Variants in SOCS2 observed in about 807,000 individuals in gnomAD.
SOCS2 encodes suppressor of cytokine signaling 2, also known as CIS-2.
In SOCS2, 10 loss-of-function variants were observed where a neutral mutation model predicts 18.6. That is an observed-to-expected ratio of 0.54 (90% CI 0.33 to 0.91). SOCS2 has a LOEUF of 0.91. Among genes scored for constraint, SOCS2 ranks in the 40% least tolerant of loss-of-function variants. SOCS2 has a pLI of 0.02. For synonymous variants in SOCS2, 104 were observed against 104.0 expected (o/e 1.00, Z 0.00); for missense variants, 231 against 247.2 (o/e 0.93, Z 0.44).
chr12:93,588,574 G>C, the SOCS2 span, among the ~76,000 whole-genome samples: 1 of 151,778 alleles, frequency 6.6e-6, no homozygotes, highest in Non-Finnish European at 1.5e-5. Context: ...GAAGGAGGAA[G>C]AGGAGTTGGA....
At chr12:93,590,587 G>A in the SOCS2 span, among the ~76,000 whole-genome samples, 58 of 151,480 alleles carry the variant, frequency 3.8e-4, no homozygotes, top group African/African-American at 1.1e-3. Flanking sequence ...ACGAGGTCAG[G>A]AGATCGAGAC....
chr12:93,581,579 G>A (rs1216963466), downstream of SOCS2, among the ~76,000 whole-genome samples: 2 of 152,126 alleles, frequency 1.3e-5, no homozygotes, highest in African/African-American at 4.8e-5. Flanking sequence ...TCAACATCAT[G>A]TGATCATTGT....
chr12:93,614,608 T>C, the SOCS2 span, among the ~76,000 whole-genome samples: 2 of 124,830 alleles, frequency 1.6e-5, no homozygotes, highest in African/African-American at 3.4e-5. Context: ...TCTTTCTTTC[T>C]TTCTTTCTTT....
chr12:93,591,044 C>A, the SOCS2 span, among the ~76,000 whole-genome samples: 2 of 151,842 alleles, frequency 1.3e-5, no homozygotes, highest in Admixed American at 1.3e-4. Context: ...TCCGAACACT[C>A]TTGGAACAAA....
the SOCS2 span, among the ~76,000 whole-genome samples, chr12:93,610,133 A>G: frequency 3.3e-5 from 5 of 152,210 alleles, no homozygotes; most frequent in Non-Finnish European, 7.3e-5. Context: ...ATACGTTCAA[A>G]CTATAGCACC....
chr12:93,617,474 T>G, the SOCS2 span, among the ~76,000 whole-genome samples: 2 of 152,164 alleles, frequency 1.3e-5, no homozygotes, highest in Non-Finnish European at 2.9e-5. Context: ...GAATGTTGTA[T>G]TTCCTCTAAG....
downstream of SOCS2, among the ~76,000 whole-genome samples, chr12:93,588,321 G>A (rs1164911870): frequency 1.3e-5 from 2 of 152,068 alleles, no homozygotes; most frequent in Admixed American, 6.5e-5. Flanking sequence ...GCCATAAATT[G>A]TTACTTAATG....
chr12:93,614,536 C>CTTTCTTTCTTTCT, the SOCS2 span, among the ~76,000 whole-genome samples: 1 of 60,920 alleles, frequency 1.6e-5, no homozygotes, highest in Non-Finnish European at 2.7e-5. Context: ...TCCTTCCTTC[C>CTTTCTTTCTTTCT]TTCCTTCTTT....
upstream of SOCS2, chr12:93,571,016 T>C (rs1278709888): frequency 3.2e-5 from 5 of 153,982 alleles, no homozygotes; most frequent in African/African-American, 1.2e-4. Context: ...TCGCGCGCAC[T>C]CGCTGCTCCT....
the SOCS2 span, among the ~76,000 whole-genome samples, chr12:93,592,696 T>C: frequency 2.5e-4 from 38 of 152,344 alleles, no homozygotes; most frequent in Non-Finnish European, 4.1e-4. Context: ...ATATTTTCCA[T>C]TGAGATCGAA....
At chr12:93,617,658 C>G in the SOCS2 span, among the ~76,000 whole-genome samples, 2 of 150,976 alleles carry the variant, frequency 1.3e-5, no homozygotes, top group East Asian at 3.9e-4. Flanking sequence ...ATATTTACTT[C>G]AAAATATGTA....
At chr12:93,588,974 C>T in the SOCS2 span, among the ~76,000 whole-genome samples, 6 of 152,136 alleles carry the variant, frequency 3.9e-5, no homozygotes, top group Admixed American at 2.0e-4. Context: ...GGTAGGGGTA[C>T]GCATAGACCC....
At chr12:93,589,259 C>T in the SOCS2 span, among the ~76,000 whole-genome samples, 1 of 152,334 alleles carries the variant, frequency 6.6e-6, no homozygotes, top group South Asian at 2.1e-4. Flanking sequence ...GAATACATGA[C>T]TGATAGATTT....
chr12:93,610,049 A>G, the SOCS2 span, among the ~76,000 whole-genome samples: 1 of 152,208 alleles, frequency 6.6e-6, no homozygotes, highest in African/African-American at 2.4e-5. Context: ...TCATGATCTA[A>G]TCACCTTTTA....
the SOCS2 span, among the ~76,000 whole-genome samples, chr12:93,592,418 C>T: frequency 3.3e-5 from 5 of 152,182 alleles, no homozygotes; most frequent in Non-Finnish European, 5.9e-5. Context: ...TTCCCAGTTT[C>T]GTGCTATTAC....
chr12:93,601,054 G>T, the SOCS2 span, among the ~76,000 whole-genome samples: 2 of 150,416 alleles, frequency 1.3e-5, no homozygotes, highest in Non-Finnish European at 3.0e-5. Context: ...ACCCCTGAAA[G>T]TGTTGGGATT....
Position 93,574,944 on chromosome 12 carries a change from G to C in SOCS2, c.362G>C (p.Ser121Thr), listed in dbSNP as rs975931637. The C allele has an allele frequency of 1.9e-6, 3 of 1,614,056 alleles. No individual in the cohort carries two copies. The highest frequency in any genetic ancestry group is 2.7e-5 in the African/African-American group (2 of 74,908). ...AAATCCAAGCTTAAACAATTTGACA[G>C]TGTGGTTCATCTGATCGACTACTAT... is the stretch of plus-strand genomic sequence containing the variant. ...CVKSKLKQFD[S>T]VVHLIDYYVQ... The change falls in exon 2 of 2, where the codon AGT becomes ACT. Residue 121 changes from serine to threonine, a missense_variant. By Grantham distance (58) the Ser-to-Thr change is moderately conservative. Coordinates refer to ENST00000551556, the MANE Select transcript of SOCS2 (RefSeq NM_001270471.2).
the SOCS2 span, among the ~76,000 whole-genome samples, chr12:93,621,654 A>AT: frequency 2.9e-3 from 441 of 150,174 alleles, 3 homozygotes; most frequent in African/African-American, 0.01. Flanking sequence ...TTAAAAAAAA[A>AT]TTTTTTTTTT....
At chr12:93,572,437 A>C, upstream of SOCS2, 2 of 351,242 alleles carry the variant, frequency 5.7e-6, no homozygotes, top group Non-Finnish European at 5.5e-6. This position sits in a 1 kb window ranked among gnomAD's most constrained non-coding sequence, Gnocchi z 5.0. Context: ...CTGGGCGGGA[A>C]GACACCCTGT....
Sources: gnomAD v4.1 joint callset for allele counts (sites outside exome capture counted in the v4.1 genomes callset) on GRCh38, gnomAD v4.1.1 for gene constraint, Gnocchi (gnomAD v3.1) non-coding constraint, MANE v1.5 for transcripts, NCBI Gene and HGNC (gene_info 2026-07-23, HGNC 2026-07-21) for gene names.